The following C2CD3 variants were observed in gnomAD, a reference collection of about 807,000 sequenced individuals.
C2CD3 encodes C2 domain-containing protein 3.
In C2CD3, 148 loss-of-function variants were observed where a neutral mutation model predicts 234.0. The ratio of observed to expected loss-of-function variants is 0.63; its 90% CI spans 0.55 to 0.72. The LOEUF is 0.72. Among genes scored for constraint, C2CD3 ranks in the 30% least tolerant of loss-of-function variants. C2CD3 has a pLI of 0.00. For synonymous variants in C2CD3, 1,000 were observed against 1,035.4 expected (o/e 0.97, Z 0.66); for missense variants, 2,577 against 2,811.5 (o/e 0.92, Z 1.89).
At chr11:74,123,613 G>A (rs1043854761) in intron 7 of C2CD3, among the ~76,000 whole-genome samples, 26 of 151,410 alleles carry the variant, frequency 1.7e-4, no homozygotes, top group Admixed American at 1.1e-3. Context: ...GTTCTATATC[G>A]AATACAAAAA....
In C2CD3 at chr11:74,114,536, T is replaced by C; in HGVS notation, c.1578A>G (p.Thr526=). 1 of 1,614,038 alleles carries C rather than the reference T, an allele frequency of 6.2e-7. No homozygotes were observed. The highest frequency in any genetic ancestry group is 1.3e-5 in the African/African-American group (1 of 75,018). ...AAAGGGCCAGTCTATCCACACTTAG[T>C]GTCATCGTTTGGGCATCTTCTGGAG... The part of the protein sequence containing the change: ...SETPEDAQTM[T]LSVDRLALLG... Residue 526 remains threonine, a synonymous_variant, in exon 10 of 33, where the codon ACA becomes ACG. Transcript: ENST00000334126.
chr11:74,054,388 T>A (rs1029896818), intron 26 of C2CD3, among the ~76,000 whole-genome samples: 1 of 150,126 alleles, frequency 6.7e-6, no homozygotes, highest in Non-Finnish European at 1.5e-5. Context: ...CAGAGCAAGA[T>A]CTTGTTCAAA....
chr11:74,080,187 GT>G (rs1955280097), intron 22 of C2CD3, among the ~76,000 whole-genome samples: 1 of 152,192 alleles, frequency 6.6e-6, no homozygotes, highest in African/African-American at 2.4e-5. Context: ...TCTGCGAAAT[GT>G]TTTACTAAGT....
intron 31 of C2CD3, among the ~76,000 whole-genome samples, chr11:74,031,070 C>T (rs535474204): frequency 2.5e-4 from 38 of 152,322 alleles, no homozygotes; most frequent in African/African-American, 8.9e-4. Flanking sequence ...AACCTGCTCT[C>T]TACAAGGCAC....
At chr11:74,060,414 G>A (rs941848167) in intron 24 of C2CD3, among the ~76,000 whole-genome samples, 3 of 152,210 alleles carry the variant, frequency 2.0e-5, no homozygotes, top group African/African-American at 7.2e-5. Flanking sequence ...CCTTTGAGAC[G>A]AAGCTTCTGG....
At chr11:74,121,608 C>CAAAAAAAAAAAAAAAAAA (rs369249513) in intron 8 of C2CD3, among the ~76,000 whole-genome samples, 2 of 62,248 alleles carry the variant, frequency 3.2e-5, no homozygotes, top group East Asian at 5.5e-4. Flanking sequence ...GACTCCGTCT[C>CAAAAAAAAAAAAAAAAAA]AAAAAAAAAA....
Position 74,037,606 on chromosome 11 carries a change from G to A in C2CD3, c.5753C>T (p.Ala1918Val). 1 of 1,614,124 alleles carries A rather than the reference G, an allele frequency of 6.2e-7. No individual in the cohort carries two copies. Among genetic ancestry groups the A allele is most frequent in the Admixed American group, 1.7e-5 (1 of 60,030 alleles). ...ACAGCTCTCCTGGTGCTGTGAGATG[G>A]CCGTTTGAGTCTGAGGGCTGAGGGG... Reference protein sequence around the residue: ...FLPLSPQTQTAISQHQESCRD... With the variant: ...FLPLSPQTQTVISQHQESCRD... Residue 1918 changes from alanine to valine, a missense_variant, in exon 30 of 33, where the codon GCC (alanine) becomes GTC (valine). By Grantham distance (64) the Ala-to-Val change is moderately conservative. Transcript: ENST00000334126.
At chr11:74,018,840 GA>G (rs563726378) in intron 32 of C2CD3, among the ~76,000 whole-genome samples, 351 of 152,288 alleles carry the variant, frequency 2.3e-3, no homozygotes, top group Non-Finnish European at 3.9e-3. Flanking sequence ...CTCATGCTCT[GA>G]GCTCACCCTC....
intron 7 of C2CD3, among the ~76,000 whole-genome samples, chr11:74,126,542 A>C (rs1213708725): frequency 1.3e-5 from 2 of 152,180 alleles, no homozygotes; most frequent in African/African-American, 4.8e-5. Context: ...CAGGAGTTCA[A>C]GACCAGCCTG....
Position 74,132,870 on chromosome 11 carries a change from G to C in C2CD3, c.1191C>G (p.Thr397=). The C allele has an allele frequency of 6.2e-7, 1 of 1,613,650 alleles. No individual in the cohort carries two copies. Among genetic ancestry groups the C allele is most frequent in the Non-Finnish European group, 8.5e-7 (1 of 1,179,630 alleles). ...TFWRHDTKAD[T]RAIQLLLGSA... Reference sequence around the variant, plus strand: ...TGCCTAATAGCAGCTGTATAGCTCTGGTATCAGCTTTTGTGTCATGTCTCC... The same window carrying C: ...TGCCTAATAGCAGCTGTATAGCTCTCGTATCAGCTTTTGTGTCATGTCTCC... The change falls in exon 7 of 33, where the codon ACC becomes ACG. Residue 397 remains threonine, a synonymous_variant. Coordinates refer to ENST00000334126, the MANE Select transcript of C2CD3 (RefSeq NM_001286577.2).
intron 24 of C2CD3, chr11:74,070,431 G>A (rs1041357773): frequency 6.6e-6 from 1 of 152,184 alleles, no homozygotes; most frequent in African/African-American, 2.4e-5. Flanking sequence ...GGCATAAAAA[G>A]GACAGACACT....
intron 7 of C2CD3, among the ~76,000 whole-genome samples, chr11:74,126,573 T>A (rs1471607483): frequency 6.6e-6 from 1 of 152,122 alleles, no homozygotes; most frequent in Non-Finnish European, 1.5e-5. Context: ...TGAAACCCCA[T>A]CTCTACTAAA....
chr11:74,103,244 C>T lies in C2CD3; in HGVS notation c.2467G>A (p.Glu823Lys), dbSNP rs1350016452. Residue 823 changes from glutamate (E) to lysine (K), a missense_variant, in exon 14 of 33, where the codon GAG becomes AAG. By Grantham distance (56) the Glu-to-Lys change is moderately conservative (BLOSUM62 1). Transcript: ENST00000334126. Reference sequence around the variant, plus strand: ...TAAACATTGCATGGTGATTGTTTCTCAGATTCTCCACTAATAAAATCTTTC... The same window carrying T: ...TAAACATTGCATGGTGATTGTTTCTTAGATTCTCCACTAATAAAATCTTTC... ...DGKDFISGES[E>K]KQSPCNVYLN... 1 of 1,614,194 alleles carries T rather than the reference C, an allele frequency of 6.2e-7. No homozygotes were observed. The highest frequency in any genetic ancestry group is 1.1e-5 in the South Asian group (1 of 91,086).
intron 15 of C2CD3, among the ~76,000 whole-genome samples, chr11:74,099,491 T>G (rs1240530778): frequency 6.6e-6 from 1 of 152,232 alleles, no homozygotes; most frequent in African/African-American, 2.4e-5. Flanking sequence ...ACAAAGGTGC[T>G]CTTTGTAAAA....
At chr11:74,097,460 G>A (rs1445521566) in intron 16 of C2CD3, among the ~76,000 whole-genome samples, 1 of 152,098 alleles carries the variant, frequency 6.6e-6, no homozygotes, top group Non-Finnish European at 1.5e-5. Flanking sequence ...ATGTGACCCC[G>A]GACAAGTAAC....
chr11:74,151,170 C>T (rs1037854672), intron 3 of C2CD3, among the ~76,000 whole-genome samples: 9 of 152,140 alleles, frequency 5.9e-5, no homozygotes, highest in South Asian at 2.1e-4. Context: ...GTGATCCGCC[C>T]GCCTCGGCCT....
intron 23 of C2CD3, among the ~76,000 whole-genome samples, chr11:74,076,752 T>C (rs972958765): frequency 1.3e-5 from 2 of 152,214 alleles, no homozygotes; most frequent in African/African-American, 4.8e-5. Context: ...TGCTGTTCCC[T>C]TCTTTAGAAT....
At position 74,094,003 on chromosome 11, in the gene C2CD3, TG is replaced by T; in HGVS notation, c.3161-5del. On this transcript the variant is annotated splice_region_variant and splice_polypyrimidine_tract_variant and intron_variant, in intron 17 of 32. Transcript: ENST00000334126. ...CTGAAGGGCTTCAGAGTAATTCCTT[TG>T]GAAAAGAAAAGCATTTCAGAATAAT... 6.2e-7 allele frequency: 1 copy of T among 1,608,586 alleles called. No homozygotes were observed. Among genetic ancestry groups the T allele is most frequent in the South Asian group, 1.1e-5 (1 of 90,638 alleles).
intron 7 of C2CD3, among the ~76,000 whole-genome samples, chr11:74,123,827 C>A (rs1016244043): frequency 6.6e-6 from 1 of 150,610 alleles, no homozygotes; most frequent in Non-Finnish European, 1.5e-5. Flanking sequence ...CAACCTCTGC[C>A]TCCTGGGTTC....
Sources: allele counts gnomAD v4.1 joint callset (sites outside exome capture counted in the v4.1 genomes callset), GRCh38; gene constraint gnomAD v4.1.1; transcripts MANE v1.5; gene names NCBI Gene and HGNC (gene_info 2026-07-23, HGNC 2026-07-21).